Variants in PUDP observed in about 807,000 individuals in gnomAD.
The protein encoded by PUDP is pseudouridine-5'-phosphatase.
In PUDP, 8 loss-of-function variants were observed where a neutral mutation model predicts 9.4. The observed-to-expected ratio is 0.85, with a 90% CI of 0.50 to 1.53. PUDP has a LOEUF of 1.53. PUDP is among the 40% of genes most tolerant of loss of function. The pLI is 0.00. For missense variants in PUDP, 188 were observed against 189.7 expected (o/e 0.99, Z 0.05); for synonymous variants, 99 against 80.7 (o/e 1.23, Z -1.22).
At position 6,973,822 on chromosome X, in the gene PUDP, A is replaced by G. The variant is rs772953855; in HGVS notation, c.*247+3311T>C. 1.1e-4 allele frequency among the ~76,000 whole-genome samples: 12 copies of G among 111,145 alleles called. No individual in the cohort carries two copies. In the South Asian group the frequency reaches 4.6e-3, roughly 43 times the overall value. ...CAGTGGGGTGTTAAAGTCTCCCACTATTATTGTGTGGGAGTCTAAGTCTTT... is the reference window on the plus strand; with the variant it reads ...CAGTGGGGTGTTAAAGTCTCCCACTGTTATTGTGTGGGAGTCTAAGTCTTT... On this transcript the variant is annotated intron_variant and NMD_transcript_variant, in intron 3 of 3. Coordinates refer to the PUDP transcript ENST00000655425.
chrX:6,891,653 T>C (rs1320601538), intron 3 of PUDP, among the ~76,000 whole-genome samples: 1 of 111,930 alleles, frequency 8.9e-6, no homozygotes, highest in African/African-American at 3.2e-5. Context: ...CACAAGCCAT[T>C]GCCCTCTGCC....
intron 2 of PUDP, among the ~76,000 whole-genome samples, chrX:7,104,018 C>T (rs1201515003): frequency 8.9e-6 from 1 of 111,934 alleles, no homozygotes; most frequent in Non-Finnish European, 1.9e-5. Context: ...AATAAAATTA[C>T]CATGGGATCC....
intron 3 of PUDP, among the ~76,000 whole-genome samples, chrX:6,868,374 T>C (rs1433232466): frequency 1.8e-5 from 2 of 111,906 alleles, no homozygotes; most frequent in African/African-American, 6.5e-5. Context: ...ATGATTAAGA[T>C]TGTATTGAAC....
At chrX:6,874,576 T>C (rs1176006967) in intron 3 of PUDP, among the ~76,000 whole-genome samples, 1 of 112,074 alleles carries the variant, frequency 8.9e-6, no homozygotes, top group Non-Finnish European at 1.9e-5. Flanking sequence ...TGGGAAACTA[T>C]AGGCTGTGTT....
intron 1 of PUDP, among the ~76,000 whole-genome samples, chrX:7,139,800 G>A (rs1251024825): frequency 2.7e-5 from 3 of 112,059 alleles, no homozygotes; most frequent in African/African-American, 9.7e-5. Flanking sequence ...AGAGCTCAGA[G>A]AGAGAAGAGT....
chrX:7,046,779 C>T (rs1929988297), downstream of PUDP, among the ~76,000 whole-genome samples: 1 of 112,065 alleles, frequency 8.9e-6, no homozygotes, highest in Non-Finnish European at 1.9e-5. Flanking sequence ...GCTTCCCAAG[C>T]CTTCATCTTC....
At chrX:7,101,139 G>A (rs1931719837) in intron 2 of PUDP, among the ~76,000 whole-genome samples, 1 of 111,886 alleles carries the variant, frequency 8.9e-6, no homozygotes, top group South Asian at 3.7e-4. Flanking sequence ...TGTGTATATG[G>A]CATGTAGATA....
At chrX:6,746,495 C>T (rs374930957) in intron 3 of PUDP, among the ~76,000 whole-genome samples, 17 of 111,358 alleles carry the variant, frequency 1.5e-4, no homozygotes, top group East Asian at 1.1e-3. Context: ...TGGTTTGCTG[C>T]ACCTGTCAAC....
At chrX:7,093,149 G>A (rs1931471499) in intron 2 of PUDP, among the ~76,000 whole-genome samples, 1 of 111,354 alleles carries the variant, frequency 9.0e-6, no homozygotes, top group Non-Finnish European at 1.9e-5. Flanking sequence ...CCCATTAAAT[G>A]CTAAAACCTC....
intron 2 of PUDP, among the ~76,000 whole-genome samples, chrX:7,079,413 G>C (rs1931014679): frequency 1.8e-5 from 2 of 112,315 alleles, no homozygotes. Context: ...AAAACAAGTA[G>C]ACAGAAAAGA....
At chrX:6,964,980 G>C (rs1435164253) in intron 3 of PUDP, among the ~76,000 whole-genome samples, 19 of 111,908 alleles carry the variant, frequency 1.7e-4, no homozygotes, top group Non-Finnish European at 3.0e-4. Flanking sequence ...TAAAAGCTAG[G>C]TAACATTGTC....
At chrX:6,786,495 G>C (rs1470018956) in intron 3 of PUDP, among the ~76,000 whole-genome samples, 1 of 112,344 alleles carries the variant, frequency 8.9e-6, no homozygotes, top group African/African-American at 3.2e-5. Context: ...CTGTTATTTT[G>C]TATGGAATCC....
chrX:6,836,702 T>A (rs1245603685), intron 3 of PUDP, among the ~76,000 whole-genome samples: 1 of 112,351 alleles, frequency 8.9e-6, no homozygotes, highest in African/African-American at 3.2e-5. Context: ...TAATCTCTTA[T>A]AGCCTCCACA....
At chrX:7,057,647 G>A (rs1930279471) in intron 3 of PUDP, 1 of 1,126,667 alleles carries the variant, frequency 8.9e-7, no homozygotes, top group Admixed American at 2.8e-5. Context: ...GGCCATCGTG[G>A]GACACCCAAG....
At chrX:6,758,548 A>G (rs1279467796) in intron 3 of PUDP, among the ~76,000 whole-genome samples, 1 of 111,933 alleles carries the variant, frequency 8.9e-6, no homozygotes, top group Non-Finnish European at 1.9e-5. Flanking sequence ...TTTGCAAAAC[A>G]TTCTTAATGC....
chrX:7,061,551 A>T (rs973372275), intron 3 of PUDP, among the ~76,000 whole-genome samples: 5 of 111,243 alleles, frequency 4.5e-5, no homozygotes, highest in Non-Finnish European at 9.4e-5. Flanking sequence ...GATTTCAGAG[A>T]AAAACACTTT....
intron 3 of PUDP, among the ~76,000 whole-genome samples, chrX:6,965,910 A>G (rs1424669883): frequency 2.7e-5 from 3 of 111,868 alleles, no homozygotes; most frequent in African/African-American, 9.7e-5. Context: ...CTCCAAACAG[A>G]CACATTTATA....
intron 3 of PUDP, among the ~76,000 whole-genome samples, chrX:6,845,972 G>T (rs1306132562): frequency 8.9e-6 from 1 of 111,735 alleles, no homozygotes; most frequent in Non-Finnish European, 1.9e-5. Context: ...TTTAAAATAT[G>T]TACAGCACTT....
intron 3 of PUDP, among the ~76,000 whole-genome samples, chrX:6,796,786 A>G (rs1925850872): frequency 8.9e-6 from 1 of 111,984 alleles, no homozygotes; most frequent in Admixed American, 9.5e-5. Flanking sequence ...ACAAGAAGCC[A>G]TATCACTTGA....
Sources: gnomAD v4.1 joint callset for allele counts (sites outside exome capture counted in the v4.1 genomes callset) on GRCh38, gnomAD v4.1.1 for gene constraint, MANE v1.5 for transcripts, NCBI Gene and HGNC (gene_info 2026-07-23, HGNC 2026-07-21) for gene names.